MTHFD2L: variants seen among roughly 807,000 people sequenced by gnomAD.
The protein encoded by MTHFD2L is bifunctional methylenetetrahydrofolate dehydrogenase/cyclohydrolase 2, mitochondrial.
A neutral mutation model predicts 34.9 loss-of-function variants in MTHFD2L; 29 were observed. The observed-to-expected ratio is 0.83, with a 90% CI of 0.62 to 1.13. MTHFD2L has a LOEUF of 1.13. MTHFD2L is among the 50% of genes most tolerant of loss of function. The pLI is 0.00. For synonymous variants in MTHFD2L, 167 were observed against 155.7 expected (o/e 1.07, Z -0.54); for missense variants, 481 against 446.5 (o/e 1.08, Z -0.70).
At chr4:74,258,208 A>G (rs1425702354) in intron 6 of MTHFD2L, among the ~76,000 whole-genome samples, 1 of 152,194 alleles carries the variant, frequency 6.6e-6, no homozygotes, top group South Asian at 2.1e-4. Context: ...TACCATATTA[A>G]CTAGTAATCA....
chr4:74,248,049 G>A (rs939471432), intron 6 of MTHFD2L, among the ~76,000 whole-genome samples: 1 of 152,014 alleles, frequency 6.6e-6, no homozygotes, highest in South Asian at 2.1e-4. Context: ...AGTTTCAGAA[G>A]GAATGGTACC....
At chr4:74,208,287 TTTCAGTGTCTTCTAAA>T (rs1324230706) in intron 5 of MTHFD2L, among the ~76,000 whole-genome samples, 3 of 26,608 alleles carry the variant, frequency 1.1e-4, no homozygotes, top group Middle Eastern at 0.036. Context: ...ACTGTTTCAT[TTTCAGTGTCTTCTAAA>T]TTCAGTGTCT....
intron 1 of MTHFD2L, among the ~76,000 whole-genome samples, chr4:74,147,261 G>A (rs1560412886): frequency 6.6e-6 from 1 of 151,876 alleles, no homozygotes; most frequent in Non-Finnish European, 1.5e-5. Context: ...GTAAGTCATT[G>A]TCTCCTTTTT....
At chr4:74,291,071 G>A (rs1470024055) in intron 7 of MTHFD2L, among the ~76,000 whole-genome samples, 1 of 116,692 alleles carries the variant, frequency 8.6e-6, no homozygotes, top group Non-Finnish European at 1.7e-5. Flanking sequence ...AGGCTGGAGT[G>A]CAGTGGTGCG....
chr4:74,208,017 G>A (rs1735649298), intron 5 of MTHFD2L, among the ~76,000 whole-genome samples: 1 of 151,954 alleles, frequency 6.6e-6, no homozygotes, highest in African/African-American at 2.4e-5. Flanking sequence ...ATTGGCAGTG[G>A]AGTGGCTTGG....
At chr4:74,200,042 G>T (rs943061151) in intron 4 of MTHFD2L, 96 bp downstream of exon 4, 41 of 1,107,924 alleles carry the variant, frequency 3.7e-5, no homozygotes, top group Non-Finnish European at 5.3e-5. Flanking sequence ...CCTATAGAGT[G>T]ACAGAAAATC....
intron 5 of MTHFD2L, among the ~76,000 whole-genome samples, chr4:74,206,551 A>G (rs1735360971): frequency 6.6e-6 from 1 of 152,158 alleles, no homozygotes; most frequent in South Asian, 2.1e-4. Context: ...AGGCTAAGGA[A>G]AGTCTTCTGT....
At chr4:74,254,525 A>T (rs1743737046) in intron 6 of MTHFD2L, among the ~76,000 whole-genome samples, 1 of 151,772 alleles carries the variant, frequency 6.6e-6, no homozygotes, top group African/African-American at 2.4e-5. Flanking sequence ...CTATCAACTA[A>T]GTATAATATA....
chr4:74,158,384 C>G (rs928937655), intron 1 of MTHFD2L, 103 bp downstream of exon 1: 1 of 891,216 alleles, frequency 1.1e-6, no homozygotes, highest in African/African-American at 1.8e-5. Flanking sequence ...CGTGGGCGGC[C>G]GCGCGGCGGC....
At chr4:74,164,764 G>A (rs1322156376) in intron 1 of MTHFD2L, among the ~76,000 whole-genome samples, 1 of 152,188 alleles carries the variant, frequency 6.6e-6, no homozygotes, top group Non-Finnish European at 1.5e-5. Flanking sequence ...TCTAATTTCA[G>A]GTGAGTAGTT....
chr4:74,209,189 A>G (rs1160812275), intron 5 of MTHFD2L, among the ~76,000 whole-genome samples: 3 of 152,256 alleles, frequency 2.0e-5, no homozygotes, highest in East Asian at 3.9e-4. Context: ...AAAAACAAAA[A>G]AACAAAACAA....
At chr4:74,271,642 TG>T (rs1352568663) in intron 6 of MTHFD2L, among the ~76,000 whole-genome samples, 1 of 152,214 alleles carries the variant, frequency 6.6e-6, no homozygotes, top group African/African-American at 2.4e-5. Context: ...AGGATTGTCT[TG>T]GCAGTGCGGG....
chr4:74,192,189 A>G (rs1337229585), intron 3 of MTHFD2L, among the ~76,000 whole-genome samples: 2 of 152,134 alleles, frequency 1.3e-5, no homozygotes, highest in Non-Finnish European at 2.9e-5. Context: ...GGAAAAAGGA[A>G]GAAGTAGATC....
At chr4:74,247,365 G>T (rs11940968) in intron 6 of MTHFD2L, among the ~76,000 whole-genome samples, 26,326 of 149,616 alleles carry the variant, frequency 0.18, 2,316 homozygotes, top group Non-Finnish European at 0.2. Flanking sequence ...CTTATCAGCT[G>T]AAGGAGATTT....
intron 5 of MTHFD2L, among the ~76,000 whole-genome samples, chr4:74,219,281 C>T (rs1384337977): frequency 6.6e-6 from 1 of 151,982 alleles, no homozygotes; most frequent in African/African-American, 2.4e-5. Context: ...AAACACTAGG[C>T]ACAAAATAGT....
intron 6 of MTHFD2L, among the ~76,000 whole-genome samples, chr4:74,251,521 C>A (rs574878992): frequency 6.6e-6 from 1 of 152,286 alleles, no homozygotes; most frequent in African/African-American, 2.4e-5. Flanking sequence ...GAAATCCCTG[C>A]TTTGTTGTGT....
At chr4:74,212,358 A>G (rs1021584568) in intron 5 of MTHFD2L, among the ~76,000 whole-genome samples, 2 of 152,054 alleles carry the variant, frequency 1.3e-5, no homozygotes, top group African/African-American at 2.4e-5. Context: ...TCTAAAGACC[A>G]CATTAGCTGT....
At chr4:74,133,650 TTC>T (rs1263228887) in intron 1 of MTHFD2L, among the ~76,000 whole-genome samples, 2 of 152,202 alleles carry the variant, frequency 1.3e-5, no homozygotes, top group Non-Finnish European at 2.9e-5. Context: ...GTTCCAAGAT[TTC>T]TGTTTCATTT....
intron 1 of MTHFD2L, among the ~76,000 whole-genome samples, chr4:74,126,397 G>C (rs565862677): frequency 6.6e-6 from 1 of 152,090 alleles, no homozygotes; most frequent in Non-Finnish European, 1.5e-5. Flanking sequence ...GTGAATCTGT[G>C]AGTGACAAAG....
Sources: allele counts gnomAD v4.1 joint callset (sites outside exome capture counted in the v4.1 genomes callset), GRCh38; gene constraint gnomAD v4.1.1; transcripts MANE v1.5; gene names NCBI Gene and HGNC (gene_info 2026-07-23, HGNC 2026-07-21).